Variants in ANKRD30BL observed in about 807,000 individuals in gnomAD.
ANKRD30BL encodes the protein putative ankyrin repeat domain-containing protein 30B-like.
Under a neutral mutation model 18.4 loss-of-function variants are expected in ANKRD30BL, and 20 were observed. The ratio of observed to expected loss-of-function variants is 1.09; its 90% CI spans 0.77 to 1.58. The LOEUF is 1.58. Among genes scored for constraint, ANKRD30BL ranks in the 40% most tolerant of loss-of-function variants. The probability of loss-of-function intolerance (pLI) is 0.00; values close to 1 mark genes in which losing one functional copy is unlikely to be tolerated. For missense variants in ANKRD30BL, 224 were observed against 268.6 expected (o/e 0.83, Z 1.16); for synonymous variants, 72 against 100.9 (o/e 0.71, Z 1.72).
intron 1 of ANKRD30BL, among the ~76,000 whole-genome samples, chr2:132,158,507 A>G (rs576882011): frequency 1.9e-4 from 29 of 152,046 alleles, no homozygotes; most frequent in African/African-American, 6.7e-4. Context: ...GAAAATCTTC[A>G]ATTGAGATTC....
At chr2:132,221,737 G>C (rs1387206034) in intron 1 of ANKRD30BL, among the ~76,000 whole-genome samples, 1 of 105,814 alleles carries the variant, frequency 9.5e-6, no homozygotes, top group Non-Finnish European at 1.8e-5. Context: ...TCCGGGAGGT[G>C]AGGGGCGCCT....
intron 1 of ANKRD30BL, among the ~76,000 whole-genome samples, chr2:132,198,575 G>A (rs1039605324): frequency 5.3e-5 from 8 of 150,664 alleles, no homozygotes; most frequent in South Asian, 4.2e-4. Flanking sequence ...TGCCCGCCTT[G>A]GCCTCCCAAA....
chr2:132,252,199 T>C (rs2104809830), intron 1 of ANKRD30BL, among the ~76,000 whole-genome samples: 1 of 152,376 alleles, frequency 6.6e-6, no homozygotes, highest in East Asian at 1.9e-4. Flanking sequence ...ACAATTGATG[T>C]TAACGATGCT....
chr2:132,200,278 T>C (rs1264191898), intron 1 of ANKRD30BL, among the ~76,000 whole-genome samples: 1 of 151,450 alleles, frequency 6.6e-6, no homozygotes, highest in African/African-American at 2.4e-5. Flanking sequence ...AACATAGTGA[T>C]GGAAGTTCTG....
At chr2:132,231,704 G>C (rs548332990) in intron 1 of ANKRD30BL, among the ~76,000 whole-genome samples, 2 of 152,234 alleles carry the variant, frequency 1.3e-5, no homozygotes, top group African/African-American at 4.8e-5. Flanking sequence ...ACGGAGTCTC[G>C]CTGATTGCTA....
At chr2:132,223,616 T>A (rs1274644584) in intron 1 of ANKRD30BL, among the ~76,000 whole-genome samples, 1 of 148,492 alleles carries the variant, frequency 6.7e-6, no homozygotes, top group East Asian at 2.1e-4. Context: ...TGGAATCGGT[T>A]ATATCTTCAC....
chr2:132,165,007 G>A (rs1460781584), upstream of ANKRD30BL, among the ~76,000 whole-genome samples: 6 of 152,092 alleles, frequency 3.9e-5, no homozygotes, highest in Non-Finnish European at 8.8e-5. Context: ...CCGGGTTGCG[G>A]AGCTTGCAGT....
intron 1 of ANKRD30BL, among the ~76,000 whole-genome samples, chr2:132,244,199 T>G (rs76838767): frequency 2.0e-5 from 3 of 152,264 alleles, no homozygotes; most frequent in African/African-American, 7.2e-5. Context: ...AGAATTTACA[T>G]GTCGATATTT....
rs563883660 is a variant in ANKRD30BL at position 132,187,550 on chromosome 2, G to A, written n.442-30404C>T. ...AGGATGGTCTCGATCTCTTAACCTC[G>A]TGATGAGCCCACCTCGGCCTCCCAA... On this transcript the variant is annotated intron_variant and non_coding_transcript_variant, in intron 1 of 4. Coordinates refer to the ANKRD30BL transcript ENST00000470729. 1.1e-4 allele frequency among the ~76,000 whole-genome samples: 17 copies of A among 151,914 alleles called. 1 individual carries two copies. The highest frequency in any genetic ancestry group is 1.1e-3 in the Admixed American group (16 of 15,210).
chr2:132,257,032 G>C (rs750452435), intron 1 of ANKRD30BL: 1 of 516,350 alleles, frequency 1.9e-6, no homozygotes, highest in South Asian at 1.4e-5. Flanking sequence ...ACAGACAGGA[G>C]GGAGGTACCG....
At chr2:132,221,815 A>G (rs1305334717) in intron 1 of ANKRD30BL, among the ~76,000 whole-genome samples, 2 of 94,086 alleles carry the variant, frequency 2.1e-5, no homozygotes, top group South Asian at 7.5e-4. Flanking sequence ...TCCGGGAGGG[A>G]GGTGGGGGGG....
chr2:132,199,714 C>G (rs1233261341), intron 1 of ANKRD30BL, among the ~76,000 whole-genome samples: 3 of 151,892 alleles, frequency 2.0e-5, no homozygotes, highest in Admixed American at 2.0e-4. Context: ...GCTTAGGTTA[C>G]TTGTTTATTA....
chr2:132,159,107 A>C (rs1045768288), intron 1 of ANKRD30BL, among the ~76,000 whole-genome samples: 2 of 150,048 alleles, frequency 1.3e-5, no homozygotes, highest in Non-Finnish European at 2.9e-5. Context: ...ATCATATTTC[A>C]TACACAACTT....
At chr2:132,200,409 C>CA (rs1456547979) in intron 1 of ANKRD30BL, among the ~76,000 whole-genome samples, 1 of 152,064 alleles carries the variant, frequency 6.6e-6, no homozygotes, top group Non-Finnish European at 1.5e-5. Flanking sequence ...TGTCTCAGCC[C>CA]AAAATCTCCT....
intron 1 of ANKRD30BL, among the ~76,000 whole-genome samples, chr2:132,210,130 C>G (rs1029018681): frequency 4.6e-5 from 7 of 151,666 alleles, no homozygotes; most frequent in African/African-American, 1.5e-4. Context: ...TTTGGAAAAT[C>G]TCTTTTTGTA....
Position 132,172,711 on chromosome 2 carries a change from CT to C in ANKRD30BL, n.442-15566del, listed in dbSNP as rs36085588. Among the ~76,000 whole-genome samples, 1,293 of 143,302 alleles carry C rather than the reference CT, an allele frequency of 9.0e-3. 11 individuals carry two copies. Among genetic ancestry groups the C allele is most frequent in the African/African-American group, 0.025 (982 of 39,276 alleles). 94.0% of individuals were successfully genotyped at this position (143,302 alleles called of 152,430 possible). On this transcript the variant is annotated intron_variant and non_coding_transcript_variant, in intron 1 of 4. Transcript: ENST00000470729. ...TGTTGTTCCACTGTCTTGAGGGTGA[CT>C]TTTTTTTTTTTTTGAGATGGAGTCT...
At chr2:132,149,946 T>C (rs1687713902) in intron 5 of ANKRD30BL, among the ~76,000 whole-genome samples, 3 of 152,136 alleles carry the variant, frequency 2.0e-5, no homozygotes, top group Non-Finnish European at 4.4e-5. Context: ...AAATAGAAAC[T>C]ATGGGTTAAT....
chr2:132,213,812 T>A (rs1334242007), intron 1 of ANKRD30BL, among the ~76,000 whole-genome samples: 1 of 152,044 alleles, frequency 6.6e-6, no homozygotes, highest in Non-Finnish European at 1.5e-5. Context: ...GAAAAGGAAG[T>A]AACTTCCCAT....
chr2:132,171,658 CA>C (rs1230642802), intron 1 of ANKRD30BL, among the ~76,000 whole-genome samples: 2 of 152,138 alleles, frequency 1.3e-5, no homozygotes, highest in African/African-American at 2.4e-5. Flanking sequence ...TGCTTAATAA[CA>C]AAAAATACAG....
Sources: allele counts gnomAD v4.1 joint callset (sites outside exome capture counted in the v4.1 genomes callset), GRCh38; gene constraint gnomAD v4.1.1; transcripts MANE v1.5; gene names NCBI Gene and HGNC (gene_info 2026-07-23, HGNC 2026-07-21).